Variants in PKIA observed in about 807,000 individuals in gnomAD.
PKIA encodes cAMP-dependent protein kinase inhibitor alpha.
A neutral mutation model predicts 7.6 loss-of-function variants in PKIA; 4 were observed. That is an observed-to-expected ratio of 0.52 (90% confidence interval 0.26 to 1.20). The LOEUF is 1.20. Ranked by LOEUF, PKIA falls within the 50% of genes most tolerant of loss-of-function variation. The probability of loss-of-function intolerance (pLI) is 0.13; values close to 1 mark genes in which losing one functional copy is unlikely to be tolerated. For synonymous variants in PKIA, 21 were observed against 30.7 expected (o/e 0.68, Z 1.04); for missense variants, 73 against 86.2 (o/e 0.85, Z 0.61).
intron 2 of PKIA, among the ~76,000 whole-genome samples, chr8:78,591,991 AT>A (rs1308934195): frequency 6.6e-6 from 1 of 152,122 alleles, no homozygotes; most frequent in Non-Finnish European, 1.5e-5. Context: ...GTCAAACATA[AT>A]TTTTATGGCT....
intron 2 of PKIA, among the ~76,000 whole-genome samples, chr8:78,593,418 G>T (rs1386829414): frequency 6.6e-6 from 1 of 152,136 alleles, no homozygotes; most frequent in Non-Finnish European, 1.5e-5. Context: ...ACCATGCCTG[G>T]CCTAAGCCTA....
Position 78,601,794 on chromosome 8 carries a change from G to C in PKIA, c.204G>C (p.Gln68His). 1 of 1,612,336 alleles carries C rather than the reference G, an allele frequency of 6.2e-7. No homozygotes were observed. Among genetic ancestry groups the C allele is most frequent in the East Asian group, 2.2e-5 (1 of 44,830 alleles). ...CTACAGAACAAAGTGGGGAAGCCCA[G>C]GGAGAAGCAGCAAAATCTGAAAGCT... ...RSSTEQSGEA[Q>H]GEAAKSES Residue 68 changes from glutamine (Q) to histidine (H), a missense_variant, in exon 4 of 4, where the codon CAG becomes CAC. Physicochemically the swap from Gln to His is conservative, Grantham distance 24. Transcript: ENST00000396418.
intron 1 of PKIA, among the ~76,000 whole-genome samples, chr8:78,548,571 A>G (rs1806893725): frequency 6.6e-6 from 1 of 152,138 alleles, no homozygotes; most frequent in Admixed American, 6.6e-5. Flanking sequence ...TCTAATAGCT[A>G]TGTGTTTGGA....
chr8:78,588,162 A>G (rs943584745), intron 2 of PKIA, among the ~76,000 whole-genome samples: 1 of 152,220 alleles, frequency 6.6e-6, no homozygotes, highest in Non-Finnish European at 1.5e-5. Context: ...ATGGAGAAAG[A>G]GTGTGACTGG....
chr8:78,565,111 CAG>C (rs2118530758), intron 1 of PKIA, among the ~76,000 whole-genome samples: 1 of 151,832 alleles, frequency 6.6e-6, no homozygotes, highest in Admixed American at 6.6e-5. Context: ...CAGAAAAGAT[CAG>C]ACTTATTTGA....
chr8:78,533,710 A>G (rs1274528657), intron 1 of PKIA, among the ~76,000 whole-genome samples: 6 of 152,004 alleles, frequency 3.9e-5, no homozygotes, highest in Admixed American at 3.9e-4. Flanking sequence ...ACTTTAAAAA[A>G]ATTTGCCAGG....
At chr8:78,599,280 G>T (rs528132062) in intron 3 of PKIA, among the ~76,000 whole-genome samples, 1 of 152,150 alleles carries the variant, frequency 6.6e-6, no homozygotes, top group African/African-American at 2.4e-5. Flanking sequence ...GAGAAGACTT[G>T]TGTAAAAATA....
chr8:78,567,704 A>T (rs1807451962), intron 1 of PKIA, among the ~76,000 whole-genome samples: 1 of 152,176 alleles, frequency 6.6e-6, no homozygotes. Context: ...TGGTTTGAAT[A>T]GCTACAGAAG....
intron 1 of PKIA, among the ~76,000 whole-genome samples, chr8:78,561,547 C>T (rs904399230): frequency 2.6e-5 from 4 of 151,834 alleles, no homozygotes; most frequent in Admixed American, 6.6e-5. Flanking sequence ...TCACATAAAT[C>T]TAGCCTGTCC....
At chr8:78,544,075 AAT>A (rs1806762130) in intron 1 of PKIA, among the ~76,000 whole-genome samples, 1 of 152,164 alleles carries the variant, frequency 6.6e-6, no homozygotes, top group Non-Finnish European at 1.5e-5. Context: ...CATTTACTAT[AAT>A]ATACTTATAT....
intron 2 of PKIA, among the ~76,000 whole-genome samples, chr8:78,588,886 G>A (rs1372231155): frequency 6.6e-6 from 1 of 151,044 alleles, no homozygotes; most frequent in African/African-American, 2.4e-5. Flanking sequence ...GGGCAACAAA[G>A]TGAGACCCTG....
chr8:78,554,986 G>A (rs1485086265), intron 1 of PKIA, among the ~76,000 whole-genome samples: 1 of 151,994 alleles, frequency 6.6e-6, no homozygotes, highest in Admixed American at 6.6e-5. Context: ...AAAGTGGAGA[G>A]GGTACAAAAT....
At chr8:78,571,138 A>T (rs1353724759) in intron 1 of PKIA, among the ~76,000 whole-genome samples, 1 of 151,154 alleles carries the variant, frequency 6.6e-6, no homozygotes, top group African/African-American at 2.4e-5. Context: ...TTGAAATCTT[A>T]ATTTTTCCTT....
chr8:78,567,112 G>GA (rs1283898791), intron 1 of PKIA, among the ~76,000 whole-genome samples: 1 of 152,020 alleles, frequency 6.6e-6, no homozygotes, highest in Non-Finnish European at 1.5e-5. Context: ...TTTTAATTCA[G>GA]AAAATTTGAA....
At chr8:78,599,280 G>A (rs528132062) in intron 3 of PKIA, among the ~76,000 whole-genome samples, 8 of 152,032 alleles carry the variant, frequency 5.3e-5, no homozygotes, top group African/African-American at 1.9e-4. Flanking sequence ...GAGAAGACTT[G>A]TGTAAAAATA....
At chr8:78,520,465 C>T (rs946636000) in intron 1 of PKIA, among the ~76,000 whole-genome samples, 1 of 152,148 alleles carries the variant, frequency 6.6e-6, no homozygotes, top group Non-Finnish European at 1.5e-5. Context: ...TAGGGACTTT[C>T]ATCTTTGGTA....
chr8:78,526,753 G>T (rs1256383455), intron 1 of PKIA, among the ~76,000 whole-genome samples: 1 of 150,754 alleles, frequency 6.6e-6, no homozygotes, highest in Non-Finnish European at 1.5e-5. Context: ...GTGATGAATA[G>T]CAAAACTGTT....
chr8:78,599,033 C>T (rs1808295193), intron 3 of PKIA, among the ~76,000 whole-genome samples: 1 of 152,148 alleles, frequency 6.6e-6, no homozygotes, highest in South Asian at 2.1e-4. Flanking sequence ...ACATTAGTAA[C>T]TCTTAGGTAA....
At chr8:78,558,675 TTTAAG>T (rs1320815136) in intron 1 of PKIA, among the ~76,000 whole-genome samples, 1 of 136,646 alleles carries the variant, frequency 7.3e-6, no homozygotes, top group Non-Finnish European at 1.5e-5. Flanking sequence ...GGAGATACAA[TTTAAG>T]TTGAGATTTG....
Sources: allele counts gnomAD v4.1 joint callset (sites outside exome capture counted in the v4.1 genomes callset), GRCh38; gene constraint gnomAD v4.1.1; transcripts MANE v1.5; gene names NCBI Gene and HGNC (gene_info 2026-07-23, HGNC 2026-07-21).